The following DOCK10 variants were observed in gnomAD, a reference collection of about 807,000 sequenced individuals.
The protein encoded by DOCK10 is dedicator of cytokinesis protein 10.
In DOCK10, 145 loss-of-function variants were observed where a neutral mutation model predicts 280.1. The ratio of observed to expected loss-of-function variants is 0.52; its 90% confidence interval spans 0.45 to 0.59. DOCK10 has a LOEUF of 0.59. DOCK10 is among the 20% of genes least tolerant of loss of function. The pLI is 0.00. For missense variants in DOCK10, 2,368 were observed against 2,651.7 expected (o/e 0.89, Z 2.35); for synonymous variants, 915 against 942.2 (o/e 0.97, Z 0.53).
chr2:224,909,415 C>T (rs886577071), intron 3 of DOCK10, among the ~76,000 whole-genome samples: 1 of 152,138 alleles, frequency 6.6e-6, no homozygotes, highest in African/African-American at 2.4e-5. Context: ...TTCAGAATCA[C>T]AGCATTAGGA....
At chr2:224,921,112 A>AAAAAATATATATAT in intron 2 of DOCK10, among the ~76,000 whole-genome samples, 2 of 54,410 alleles carry the variant, frequency 3.7e-5, no homozygotes, top group Non-Finnish European at 3.0e-5. Flanking sequence ...AAAAAAAAAA[A>AAAAAATATATATAT]ATATATATAT....
At chr2:224,900,235 C>A (rs1700217893) in intron 3 of DOCK10, among the ~76,000 whole-genome samples, 1 of 151,282 alleles carries the variant, frequency 6.6e-6, no homozygotes, top group South Asian at 2.1e-4. Flanking sequence ...ATTTCACTGA[C>A]AAAAATGAAT....
Position 224,844,833 on chromosome 2 carries a change from C to T in DOCK10, c.2488G>A (p.Gly830Arg). ...FQDSASGKHG[G>R]SDIKWVDGGK... ...CCATCAACCCATTTAATGTCACTCC[C>T]ACCATGCTGCAAAATAAAGTTTGTT... Residue 830 changes from glycine (G) to arginine (R), a missense_variant, in exon 22 of 56, where the codon GGG becomes AGG. Gly to Arg is a moderately radical substitution (Grantham distance 125). Coordinates refer to ENST00000258390, the MANE Select transcript of DOCK10 (RefSeq NM_014689.3). 6.2e-7 allele frequency: 1 copy of T among 1,605,114 alleles called. No homozygotes were observed. Among genetic ancestry groups the T allele is most frequent in the Non-Finnish European group, 8.5e-7 (1 of 1,175,012 alleles).
At chr2:224,797,239 T>G in intron 42 of DOCK10, 93 bp from the exon 43 acceptor site, 2 of 872,840 alleles carry the variant, frequency 2.3e-6, no homozygotes, top group Non-Finnish European at 3.2e-6. Flanking sequence ...ACAAAATCCC[T>G]CTCCTTTTTT....
intron 11 of DOCK10, 48 bp downstream of exon 11, chr2:224,873,948 G>T (rs1399415296): frequency 1.9e-6 from 3 of 1,562,610 alleles, no homozygotes; most frequent in Non-Finnish European, 2.6e-6. Context: ...GACTAGGGTG[G>T]TGTAATGTTG....
intron 19 of DOCK10, among the ~76,000 whole-genome samples, chr2:224,846,501 T>G (rs925847595): frequency 2.1e-5 from 2 of 94,094 alleles, no homozygotes; most frequent in African/African-American, 1.5e-4. Flanking sequence ...GACCTCTGGC[T>G]TTTTTTTTTT....
chr2:225,015,520 C>G (rs779121176), intron 1 of DOCK10, among the ~76,000 whole-genome samples: 21 of 152,172 alleles, frequency 1.4e-4, no homozygotes, highest in Non-Finnish European at 2.5e-4. Context: ...GAGTTGGAGT[C>G]TGTGCCTCCC....
chr2:224,834,575 TCTC>T (rs1695477648), intron 25 of DOCK10, among the ~76,000 whole-genome samples: 1 of 152,072 alleles, frequency 6.6e-6, no homozygotes, highest in African/African-American at 2.4e-5. Context: ...ACATTCCCCT[TCTC>T]CTTCCTCCAC....
chr2:224,867,071 GAAAT>G (rs1697958826), intron 11 of DOCK10, among the ~76,000 whole-genome samples: 2 of 119,858 alleles, frequency 1.7e-5, no homozygotes, highest in Non-Finnish European at 3.5e-5. Flanking sequence ...ACAGAGCTAA[GAAAT>G]ACACACACAC....
At chr2:224,971,185 T>C (rs1705061512) in intron 1 of DOCK10, among the ~76,000 whole-genome samples, 1 of 152,206 alleles carries the variant, frequency 6.6e-6, no homozygotes, top group African/African-American at 2.4e-5. Flanking sequence ...AAGTACCATT[T>C]GAGCAGAATA....
chr2:224,946,514 C>T (rs1486098523), intron 1 of DOCK10, among the ~76,000 whole-genome samples: 1 of 152,204 alleles, frequency 6.6e-6, no homozygotes, highest in East Asian at 1.9e-4. Context: ...CAATTAGAGG[C>T]TTTTCTTTAA....
chr2:224,784,875 G>T, intron 50 of DOCK10: 1 of 764,738 alleles, frequency 1.3e-6, no homozygotes, highest in Non-Finnish European at 1.9e-6. Context: ...CATCTGGTAG[G>T]CAATCCTGTT....
Position 224,773,178 on chromosome 2 carries a change from C to G in DOCK10, c.6183G>C (p.Leu2061=). 1 of 1,612,900 alleles carries G rather than the reference C, an allele frequency of 6.2e-7. No individual in the cohort carries two copies. The highest frequency in any genetic ancestry group is 8.5e-7 in the Non-Finnish European group (1 of 1,179,124). ...EVDMIRLQLK[L]QGSVSVKVNA... is the part of the protein sequence containing the mutation. Reference sequence around the variant, plus strand: ...TCACCTTCACGCTGACACTTCCTTGCAGTTTGAGCTGCAGTCTGATCATGT... The same window carrying G: ...TCACCTTCACGCTGACACTTCCTTGGAGTTTGAGCTGCAGTCTGATCATGT... The change falls in exon 53 of 56, where the codon CTG becomes CTC. Residue 2061 remains leucine, a synonymous_variant. Coordinates refer to ENST00000258390, the MANE Select transcript of DOCK10 (RefSeq NM_014689.3).
intron 2 of DOCK10, among the ~76,000 whole-genome samples, chr2:224,926,287 T>C (rs149600975): frequency 6.6e-6 from 1 of 152,386 alleles, no homozygotes; most frequent in African/African-American, 2.4e-5. Context: ...CAATGTTTGA[T>C]AATCTATTGA....
At chr2:224,810,708 T>C (rs1415623980) in intron 31 of DOCK10, among the ~76,000 whole-genome samples, 4 of 146,452 alleles carry the variant, frequency 2.7e-5, no homozygotes, top group South Asian at 2.2e-4. Flanking sequence ...TTGTTCAATT[T>C]CCACCTATGA....
intron 3 of DOCK10, among the ~76,000 whole-genome samples, chr2:224,899,721 G>A (rs530040774): frequency 1.3e-5 from 2 of 152,126 alleles, no homozygotes; most frequent in Admixed American, 6.5e-5. Context: ...AGAGTATATC[G>A]TCATGCATAT....
chr2:224,860,939 C>T (rs1697461167), intron 14 of DOCK10: 1 of 152,066 alleles, frequency 6.6e-6, no homozygotes, highest in Non-Finnish European at 1.5e-5. Flanking sequence ...TTTCTAAAAC[C>T]TCAGAGCAAT....
At chr2:225,005,710 G>A (rs557292881) in intron 1 of DOCK10, among the ~76,000 whole-genome samples, 1 of 152,314 alleles carries the variant, frequency 6.6e-6, no homozygotes, top group Non-Finnish European at 1.5e-5. Context: ...CTAAGCCCAA[G>A]CCCACTCGGT....
At position 225,042,134 on chromosome 2, in the gene DOCK10, A is replaced by G; in HGVS notation, c.123+118T>C. ...AGAGGCGGCGGGGGAGGGAGTGCGG[A>G]GGAGAGGACCCGTGAGCTGCGGGGA... is the stretch of plus-strand genomic sequence containing the variant. On this transcript the variant is annotated intron_variant, in intron 1 of 55. Transcript: ENST00000258390. The surrounding 1 kb of genome is among the most constrained non-coding windows in gnomAD (Gnocchi z 5.1). 1 of 1,125,612 alleles carries G rather than the reference A, an allele frequency of 8.9e-7. No individual in the cohort carries two copies. The highest frequency in any genetic ancestry group is 1.1e-6 in the Non-Finnish European group (1 of 898,210). The allele number at this position is 1,125,612 out of a possible 1,614,324, so 69.7% of individuals were successfully genotyped here. A position where few individuals can be genotyped will look rare whatever the true frequency, so the allele number is the denominator to read the frequency against.
Sources: allele counts gnomAD v4.1 joint callset (sites outside exome capture counted in the v4.1 genomes callset), GRCh38; gene constraint gnomAD v4.1.1; non-coding constraint Gnocchi (gnomAD v3.1); transcripts MANE v1.5; gene names NCBI Gene and HGNC (gene_info 2026-07-23, HGNC 2026-07-21).